LRFN2: variants seen among roughly 807,000 people sequenced by gnomAD.
The protein encoded by LRFN2 is leucine rich repeat and fibronectin type III domain containing 2, also known as leucine-rich repeat and fibronectin type-III domain-containing protein 2.
In LRFN2, 18 loss-of-function variants were observed where a neutral mutation model predicts 37.3. That is an observed-to-expected ratio of 0.48 (90% CI 0.33 to 0.72). The LOEUF is 0.72. Ranked by LOEUF, LRFN2 falls within the 30% of genes least tolerant of loss-of-function variation. LRFN2 has a pLI of 0.02. For missense variants in LRFN2, 1,006 were observed against 1,060.7 expected (o/e 0.95, Z 0.72); for synonymous variants, 556 against 466.6 (o/e 1.19, Z -2.47).
At chr6:40,455,725 G>A (rs1764221523) in intron 1 of LRFN2, among the ~76,000 whole-genome samples, 1 of 152,138 alleles carries the variant, frequency 6.6e-6, no homozygotes, top group Admixed American at 6.5e-5. Flanking sequence ...ATATCAGAAG[G>A]GGAGGAGGTG....
chr6:40,572,288 T>A (rs957069228), intron 1 of LRFN2, among the ~76,000 whole-genome samples: 1 of 152,200 alleles, frequency 6.6e-6, no homozygotes, highest in Non-Finnish European at 1.5e-5. Flanking sequence ...GTGCCCAGCA[T>A]GTAGTAAGTG....
In LRFN2 at chr6:40,515,822, G is replaced by T. The variant is rs139651131; in HGVS notation, c.-19+71119C>A. Among the ~76,000 whole-genome samples the T allele has an allele frequency of 5.5e-3, 822 of 150,290 alleles. 7 individuals are homozygous for T. Among genetic ancestry groups the T allele is most frequent in the African/African-American group, 0.017 (712 of 40,788 alleles). ...GCAGGGAAATTGCTTGAACCAGGGA[G>T]GAGGAGGTTGCAGTGAGCCGAGATC... On this transcript the variant is annotated intron_variant, in intron 1 of 2. Transcript: ENST00000338305.
intron 1 of LRFN2, among the ~76,000 whole-genome samples, chr6:40,441,032 G>A (rs777457827): frequency 1.3e-5 from 2 of 152,110 alleles, no homozygotes; most frequent in Non-Finnish European, 2.9e-5. Flanking sequence ...GAGATGCAGG[G>A]AAATAAAAAA....
intron 1 of LRFN2, among the ~76,000 whole-genome samples, chr6:40,489,635 G>A (rs546846905): frequency 2.0e-5 from 3 of 152,276 alleles, no homozygotes; most frequent in African/African-American, 7.2e-5. Flanking sequence ...GGGTGCTGAC[G>A]AGGAGGCCTG....
At chr6:40,529,069 C>T (rs1470110183) in intron 1 of LRFN2, among the ~76,000 whole-genome samples, 1 of 152,186 alleles carries the variant, frequency 6.6e-6, no homozygotes, top group African/African-American at 2.4e-5. Context: ...TTTCTATTTT[C>T]CAGGCCTCAG....
intron 1 of LRFN2, among the ~76,000 whole-genome samples, chr6:40,547,044 A>C (rs1252158783): frequency 6.6e-6 from 1 of 152,098 alleles, no homozygotes; most frequent in African/African-American, 2.4e-5. Context: ...AACTGCAGCT[A>C]TCATATTTTA....
At chr6:40,498,991 C>T (rs1186409952) in intron 1 of LRFN2, among the ~76,000 whole-genome samples, 3 of 152,232 alleles carry the variant, frequency 2.0e-5, no homozygotes, top group Non-Finnish European at 2.9e-5. Context: ...CTCCCAAACA[C>T]AGGCTCAACA....
At chr6:40,462,170 A>G (rs1440925741) in intron 1 of LRFN2, among the ~76,000 whole-genome samples, 1 of 152,200 alleles carries the variant, frequency 6.6e-6, no homozygotes, top group East Asian at 1.9e-4. Flanking sequence ...TGAAAAGAAA[A>G]ACAGAGGCGA....
chr6:40,509,004 C>A (rs577272172), intron 1 of LRFN2, among the ~76,000 whole-genome samples: 6 of 152,310 alleles, frequency 3.9e-5, no homozygotes, highest in Admixed American at 6.5e-5. Flanking sequence ...CTATGGCAAC[C>A]AGTGGGGCCT....
intron 1 of LRFN2, among the ~76,000 whole-genome samples, chr6:40,558,670 C>A (rs1203829018): frequency 6.6e-6 from 1 of 152,188 alleles, no homozygotes; most frequent in Non-Finnish European, 1.5e-5. Flanking sequence ...CATGAAATTA[C>A]TGTCTTTATC....
At chr6:40,516,376 G>A (rs1182934191) in intron 1 of LRFN2, 1 of 152,172 alleles carries the variant, frequency 6.6e-6, no homozygotes, top group East Asian at 1.9e-4. Flanking sequence ...ACCAAGTCAG[G>A]TCTGGACGGG....
At chr6:40,488,871 A>G (rs1180001951) in intron 1 of LRFN2, among the ~76,000 whole-genome samples, 2 of 152,148 alleles carry the variant, frequency 1.3e-5, no homozygotes, top group Non-Finnish European at 2.9e-5. Flanking sequence ...GAATTAGGGA[A>G]CATTCTAGGA....
intron 1 of LRFN2, among the ~76,000 whole-genome samples, chr6:40,467,115 G>A (rs1764487250): frequency 6.6e-6 from 1 of 151,794 alleles, no homozygotes; most frequent in African/African-American, 2.4e-5. Context: ...TTTTTGTTTT[G>A]GTAGACCTAG....
intron 1 of LRFN2, among the ~76,000 whole-genome samples, chr6:40,518,657 C>T (rs1765957084): frequency 6.6e-6 from 1 of 152,176 alleles, no homozygotes; most frequent in Non-Finnish European, 1.5e-5. Context: ...CACACAACCC[C>T]TCCTTGAGCC....
At chr6:40,454,990 G>A (rs991098879) in intron 1 of LRFN2, among the ~76,000 whole-genome samples, 2 of 152,144 alleles carry the variant, frequency 1.3e-5, no homozygotes, top group Non-Finnish European at 2.9e-5. Context: ...TTCTCTTAGA[G>A]CTGTAACTGG....
At chr6:40,437,166 G>C (rs1763702483) in intron 1 of LRFN2, among the ~76,000 whole-genome samples, 1 of 152,092 alleles carries the variant, frequency 6.6e-6, no homozygotes, top group African/African-American at 2.4e-5. Context: ...GGTGCCCCTG[G>C]GCCCAGGGCC....
At chr6:40,456,982 G>T (rs1764248614) in intron 1 of LRFN2, among the ~76,000 whole-genome samples, 2 of 151,990 alleles carry the variant, frequency 1.3e-5, no homozygotes, top group South Asian at 4.2e-4. Context: ...TCATCTTTCA[G>T]CTCAGTGAAG....
intron 2 of LRFN2, among the ~76,000 whole-genome samples, chr6:40,422,891 G>A (rs901482109): frequency 1.3e-5 from 2 of 152,176 alleles, no homozygotes; most frequent in Non-Finnish European, 2.9e-5. Flanking sequence ...AGGGAGACTG[G>A]ATACTGTAAT....
At chr6:40,507,409 T>C (rs1362414787) in intron 1 of LRFN2, among the ~76,000 whole-genome samples, 2 of 152,212 alleles carry the variant, frequency 1.3e-5, no homozygotes, top group Non-Finnish European at 2.9e-5. Flanking sequence ...ACACACAGTG[T>C]CTCGTTTAAT....
Sources: allele counts gnomAD v4.1 joint callset (sites outside exome capture counted in the v4.1 genomes callset), GRCh38; gene constraint gnomAD v4.1.1; transcripts MANE v1.5; gene names NCBI Gene and HGNC (gene_info 2026-07-23, HGNC 2026-07-21).